TGS1: variants seen among roughly 807,000 people sequenced by gnomAD.
TGS1 encodes trimethylguanosine synthase 1.
Under a neutral mutation model 92.2 loss-of-function variants are expected in TGS1, and 69 were observed. That is an observed-to-expected ratio of 0.75 (90% confidence interval 0.62 to 0.91). TGS1 has a LOEUF of 0.91. Ranked by LOEUF, TGS1 falls within the 40% of genes least tolerant of loss-of-function variation. The pLI is 0.00. For synonymous variants in TGS1, 345 were observed against 338.1 expected, an observed-to-expected ratio of 1.02 and a Z score of -0.22; for missense variants, 1,062 against 1,001.2, an observed-to-expected ratio of 1.06 and a Z score of -0.82.
chr8:55,776,560 T>A (rs1307741258), intron 1 of TGS1, among the ~76,000 whole-genome samples: 6 of 152,180 alleles, frequency 3.9e-5, no homozygotes, highest in Non-Finnish European at 5.9e-5. Flanking sequence ...ATTACAGGCG[T>A]GAGCCACTGT....
chr8:55,798,873 T>C (rs772033247), intron 7 of TGS1, 41 bp from the exon 8 acceptor site: 21 of 1,470,774 alleles, frequency 1.4e-5, no homozygotes, highest in South Asian at 1.1e-4. Context: ...CTGTGTAGTT[T>C]GGAATTAATT....
intron 2 of TGS1, among the ~76,000 whole-genome samples, chr8:55,784,511 T>C (rs1038381111): frequency 1.3e-5 from 2 of 152,180 alleles, no homozygotes; most frequent in Admixed American, 6.5e-5. Context: ...TTGTTTGTAG[T>C]GACAGGGTCT....
Position 55,805,031 on chromosome 8 carries a change from T to C in TGS1, c.2138T>C (p.Met713Thr), listed in dbSNP as rs774278943. The C allele has an allele frequency of 1.9e-6, 3 of 1,613,432 alleles. No individual in the cohort carries two copies. Among genetic ancestry groups the C allele is most frequent in the Non-Finnish European group, 2.5e-6 (3 of 1,179,566 alleles). Residue 713 changes from methionine (M) to threonine (T), a missense_variant, in exon 10 of 13, where the codon ATG becomes ACG. By Grantham distance (81) the Met-to-Thr change is moderately conservative. Coordinates refer to ENST00000260129, the MANE Select transcript of TGS1 (RefSeq NM_024831.8). ...ACCATTCAGTTTGCCTTAACAGGAA[T>C]GAGAGGTAATTAGCCATCAATGGAA... is the stretch of plus-strand genomic sequence containing the variant. The part of the protein sequence containing the change: ...GNTIQFALTG[M>T]RVIAIDIDPV...
intron 10 of TGS1, 133 bp from the exon 11 acceptor site, chr8:55,810,748 A>G: frequency 1.5e-6 from 1 of 689,478 alleles, no homozygotes; most frequent in South Asian, 1.8e-5. Context: ...TCTCGGGTAT[A>G]TGTGGCCAAA....
At position 55,824,891 on chromosome 8, in the gene TGS1, A is replaced by G. The variant is rs1737103666; in HGVS notation, c.*188A>G. ...ATCTTTGAATAATTCCTTTAGAGGAATTATACAAAATTAATATATATGAGT... is the reference window on the plus strand; with the variant it reads ...ATCTTTGAATAATTCCTTTAGAGGAGTTATACAAAATTAATATATATGAGT... On this transcript the variant is annotated 3_prime_UTR_variant, in exon 13 of 13. Transcript: ENST00000260129. 9.9e-6 allele frequency: 6 copies of G among 604,868 alleles called. No homozygotes were observed. Among genetic ancestry groups the G allele is most frequent in the Non-Finnish European group, 1.7e-5 (6 of 363,324 alleles). The allele number at this position is 604,868 out of a possible 1,614,324, so 37.5% of individuals were successfully genotyped here. A position where few individuals can be genotyped will look rare whatever the true frequency, so the allele number is the denominator to read the frequency against.
intron 1 of TGS1, among the ~76,000 whole-genome samples, chr8:55,776,735 T>C (rs926485566): frequency 6.6e-6 from 1 of 152,314 alleles, no homozygotes; most frequent in South Asian, 2.1e-4. Context: ...TAAGACAATA[T>C]GAGGGGTGGT....
intron 10 of TGS1, among the ~76,000 whole-genome samples, chr8:55,807,893 T>C (rs766868423): frequency 4.6e-5 from 7 of 152,222 alleles, no homozygotes; most frequent in Non-Finnish European, 7.3e-5. Context: ...CTTCATATTA[T>C]ACCTATCAAT....
At chr8:55,807,209 T>C (rs1033661645) in intron 10 of TGS1, among the ~76,000 whole-genome samples, 1 of 152,134 alleles carries the variant, frequency 6.6e-6, no homozygotes, top group Non-Finnish European at 1.5e-5. Flanking sequence ...ATTACAGGCG[T>C]GAGCCACCAC....
Position 55,799,190 on chromosome 8 carries a change from G to A in TGS1, c.1819G>A (p.Val607Met), listed in dbSNP as rs773894820. The change falls in exon 8 of 13, where the codon GTG (valine) becomes ATG (methionine). Residue 607 changes from valine to methionine, a missense_variant. By Grantham distance (21) the Val-to-Met change is conservative. Transcript: ENST00000260129. ...TGAGCAGGATTGTGTTACTCAAGAA[G>A]TGCCAGACTCCCGCCAGGCAGAAAC... ...PDEQDCVTQE[V>M]PDSRQAETEA... is the part of the protein sequence containing the mutation. 9.3e-6 allele frequency: 15 copies of A among 1,612,402 alleles called. No homozygotes were observed. Among genetic ancestry groups the A allele is most frequent in the Non-Finnish European group, 1.3e-5 (15 of 1,179,292 alleles).
At chr8:55,815,366 A>G (rs541975526) in intron 12 of TGS1, among the ~76,000 whole-genome samples, 5 of 152,196 alleles carry the variant, frequency 3.3e-5, no homozygotes, top group Non-Finnish European at 7.3e-5. Flanking sequence ...ACAGTGGGAA[A>G]TCAACTTTTT....
chr8:55,810,496 T>G (rs62516860), intron 10 of TGS1, among the ~76,000 whole-genome samples: 1 of 152,158 alleles, frequency 6.6e-6, no homozygotes, highest in African/African-American at 2.4e-5. Flanking sequence ...AAGTTTGTCT[T>G]TTCCAAAACC....
intron 10 of TGS1, among the ~76,000 whole-genome samples, chr8:55,810,135 C>T (rs530151222): frequency 3.3e-5 from 5 of 152,172 alleles, no homozygotes; most frequent in African/African-American, 9.7e-5. Flanking sequence ...ACAACCACGC[C>T]GTAAGCGTAA....
intron 2 of TGS1, among the ~76,000 whole-genome samples, chr8:55,784,369 TGAGA>T (rs974511273): frequency 2.6e-4 from 39 of 151,880 alleles, no homozygotes; most frequent in African/African-American, 8.5e-4. Flanking sequence ...TTTCTCTTTT[TGAGA>T]GAGAGAGAGG....
At chr8:55,812,495 C>CA (rs59611291) in intron 11 of TGS1, among the ~76,000 whole-genome samples, 10,137 of 98,230 alleles carry the variant, frequency 0.1, 1,308 homozygotes, top group African/African-American at 0.3. Flanking sequence ...GACTCTGTCT[C>CA]AAAAAAAAAA....
intron 12 of TGS1, 36 bp from the exon 13 acceptor site, chr8:55,824,545 G>GGT (rs769371518): frequency 3.1e-6 from 5 of 1,612,814 alleles, no homozygotes; most frequent in East Asian, 2.2e-5. Flanking sequence ...ATTATGCTTA[G>GGT]GTGTGTGTGT....
rs1259663756 is a variant in TGS1 at position 55,782,762 on chromosome 8, A to G, written c.116A>G (p.Tyr39Cys). 1.2e-6 allele frequency: 2 copies of G among 1,610,716 alleles called. No homozygotes were observed. The highest frequency in any genetic ancestry group is 2.2e-5 in the East Asian group (1 of 44,724). The part of the protein sequence containing the change: ...SRAFVEDRKL[Y>C]NLGLKGYYIR... ...CTGCTTCGCAGGGATCGAAAATTGTACAATTTGGGATTAAAAGGCTATTAC... is the reference window on the plus strand; with the variant it reads ...CTGCTTCGCAGGGATCGAAAATTGTGCAATTTGGGATTAAAAGGCTATTAC... Residue 39 changes from tyrosine to cysteine, a missense_variant, in exon 2 of 13, where the codon TAC becomes TGC. Tyr to Cys is a radical substitution (Grantham distance 194). Transcript: ENST00000260129.
At chr8:55,781,735 A>C (rs1811568672) in intron 1 of TGS1, among the ~76,000 whole-genome samples, 1 of 152,232 alleles carries the variant, frequency 6.6e-6, no homozygotes, top group Non-Finnish European at 1.5e-5. Context: ...TCCAAAAAAG[A>C]AGCAAGAGGA....
rs2130132110 is a variant in TGS1 at position 55,786,786 on chromosome 8, A to G, written c.888A>G (p.Pro296=). 6.2e-7 allele frequency: 1 copy of G among 1,614,180 alleles called. No individual in the cohort carries two copies. The highest frequency in any genetic ancestry group is 1.3e-5 in the African/African-American group (1 of 75,064). The stretch of plus-strand genomic sequence containing the variant: ...TGAAAGTTGACTTAGTATCTTTTCC[A>G]TCTTCACCTATTATGGTTGATAATG... ...KCMKVDLVSF[P]SSPIMVDNDS... Residue 296 remains proline, a synonymous_variant, in exon 4 of 13, where the codon CCA becomes CCG. Coordinates refer to ENST00000260129, the MANE Select transcript of TGS1 (RefSeq NM_024831.8).
intron 5 of TGS1, among the ~76,000 whole-genome samples, 177 bp from the exon 6 acceptor site, chr8:55,792,521 T>C (rs928765729): frequency 6.6e-6 from 1 of 152,246 alleles, no homozygotes; most frequent in African/African-American, 2.4e-5. Context: ...GTACTTACCT[T>C]ATTTGGAAAA....
Sources: gnomAD v4.1 joint callset for allele counts (sites outside exome capture counted in the v4.1 genomes callset) on GRCh38, gnomAD v4.1.1 for gene constraint, MANE v1.5 for transcripts, NCBI Gene and HGNC (gene_info 2026-07-23, HGNC 2026-07-21) for gene names.